The following KMT2C variants were observed in gnomAD, a reference collection of about 807,000 sequenced individuals.
KMT2C encodes histone-lysine N-methyltransferase 2C.
KMT2C carries 88 observed loss-of-function variants against 507.9 expected under a neutral mutation model. The observed-to-expected ratio is 0.17, with a 90% CI of 0.15 to 0.21. The LOEUF is 0.21. Among genes scored for constraint, KMT2C ranks in the 10% least tolerant of loss-of-function variants. The pLI is 1.00. For synonymous variants in KMT2C, 2,049 were observed against 2,080.8 expected, an observed-to-expected ratio of 0.98 and a Z score of 0.42; for missense variants, 4,954 against 5,957.8, an observed-to-expected ratio of 0.83 and a Z score of 5.55.
At position 152,181,622 on chromosome 7, in the gene KMT2C, T is replaced by C. The variant is rs762977185; in HGVS notation, c.6238A>G (p.Arg2080Gly). The C allele has an allele frequency of 1.4e-5, 22 of 1,614,128 alleles. No individual in the cohort carries two copies. Among genetic ancestry groups the C allele is most frequent in the Non-Finnish European group, 1.9e-5 (22 of 1,180,006 alleles). ...TTATGAGAAAAATTATCTATAGGTC[T>C]TGGTGTCAAAGCAGGCCTTTCATAA... ...DPYERPALTPRPIDNFSHNQS... is the reference protein window; with the variant it reads ...DPYERPALTPGPIDNFSHNQS... The change falls in exon 36 of 59, where the codon AGA becomes GGA. Residue 2080 changes from arginine to glycine, a missense_variant. Physicochemically the swap from Arg to Gly is moderately radical, Grantham distance 125 (BLOSUM62 -2). This residue lies in a region of KMT2C where 1,689 missense variants were observed against 1,654.3 expected (regional missense o/e 1.02). Transcript: ENST00000262189.
chr7:152,225,967 C>T (rs2094917375), intron 18 of KMT2C, among the ~76,000 whole-genome samples: 1 of 152,068 alleles, frequency 6.6e-6, no homozygotes, highest in Admixed American at 6.6e-5. Context: ...TAACCAACAC[C>T]TTATTAATTG....
intron 6 of KMT2C, among the ~76,000 whole-genome samples, chr7:152,275,012 T>C (rs556756707): frequency 3.9e-5 from 6 of 152,208 alleles, no homozygotes; most frequent in Non-Finnish European, 5.9e-5. Context: ...ACACAGACAG[T>C]TGGACCCTGC....
chr7:152,233,006 G>A (rs1468689163), intron 16 of KMT2C, among the ~76,000 whole-genome samples: 16 of 152,064 alleles, frequency 1.1e-4, no homozygotes, highest in African/African-American at 2.7e-4. Context: ...ACCAGTGAAC[G>A]CTTTCACTGA....
At chr7:152,183,243 A>C in intron 34 of KMT2C, 87 bp from the exon 35 acceptor site, 1 of 1,093,406 alleles carries the variant, frequency 9.1e-7, no homozygotes, top group African/African-American at 1.6e-5. Context: ...TTTCTCAAAT[A>C]AAAGAAAAAA....
intron 6 of KMT2C, among the ~76,000 whole-genome samples, chr7:152,282,791 A>G (rs990868310): frequency 6.6e-6 from 1 of 151,944 alleles, no homozygotes; most frequent in Non-Finnish European, 1.5e-5. Flanking sequence ...ATTCCTAGAA[A>G]TGTGTACCTA....
chr7:152,137,120 G>A (rs1234023331), intron 58 of KMT2C, 196 bp from the exon 59 acceptor site: 1 of 539,384 alleles, frequency 1.9e-6, no homozygotes, highest in African/African-American at 1.9e-5. Flanking sequence ...AAATGAGGGA[G>A]GCAGTATTTT....
rs570079912 is a variant in KMT2C, at chr7:152,391,039, G to T, written c.162-32364C>A. Among the ~76,000 whole-genome samples, 3 of 149,452 alleles carry T rather than the reference G, an allele frequency of 2.0e-5. No individual in the cohort carries two copies. In the East Asian group the frequency reaches 6.2e-4, roughly 31 times the overall value. On this transcript the variant is annotated intron_variant, in intron 1 of 58. Coordinates refer to ENST00000262189, the MANE Select transcript of KMT2C (RefSeq NM_170606.3). ...AGGCGCCTGTAATCCCAGCTACTTG[G>T]GAGGCTGAGGCAGAGAACTGCTTGA...
In KMT2C at chr7:152,138,314, G is replaced by C. The variant is rs1191685673; in HGVS notation, c.14643+482C>G. 6.5e-6 allele frequency: 1 copy of C among 154,908 alleles called. No homozygotes were observed. The highest frequency in any genetic ancestry group is 1.4e-5 in the Non-Finnish European group (1 of 69,750). 9.6% of individuals were successfully genotyped at this position (154,908 alleles called of 1,614,324 possible). ...GAACTGCTGAAGAATGTGGCGATGT[G>C]GGCACTTGGTTAAGCACACACTGAT... On this transcript the variant is annotated intron_variant, in intron 58 of 58. Coordinates refer to ENST00000262189, the MANE Select transcript of KMT2C (RefSeq NM_170606.3). This position sits in a 1 kb window ranked among gnomAD's most constrained non-coding sequence, Gnocchi z 4.2.
At chr7:152,147,692 A>C (rs548131328) in intron 52 of KMT2C, among the ~76,000 whole-genome samples, 34 of 148,188 alleles carry the variant, frequency 2.3e-4, no homozygotes, top group African/African-American at 8.6e-4. Context: ...GTGCAACAAA[A>C]GAGAAACTCC....
intron 49 of KMT2C, among the ~76,000 whole-genome samples, chr7:152,152,033 TA>T (rs1313111307): frequency 6.6e-6 from 1 of 151,964 alleles, no homozygotes; most frequent in Non-Finnish European, 1.5e-5. Flanking sequence ...GATAAGAAGG[TA>T]AATAAGGACT....
chr7:152,358,616 G>A lies in KMT2C; in HGVS notation c.221C>T (p.Thr74Ile), dbSNP rs771871602. The change falls in exon 2 of 59, where the codon ACA becomes ATA. Residue 74 changes from threonine (T) to isoleucine (I), a missense_variant. Thr to Ile is a moderately conservative substitution (Grantham distance 89). Coordinates refer to ENST00000262189, the MANE Select transcript of KMT2C (RefSeq NM_170606.3). ...EDEDSMDGLE[T>I]TETETIVETE... ...TTCCACAATCGTTTCTGTTTCTGTT[G>A]TCTCCAGCCCATCCATGCTGTCCTC... is the stretch of plus-strand genomic sequence containing the variant. The A allele has an allele frequency of 6.8e-6, 11 of 1,610,098 alleles. No homozygotes were observed. Among genetic ancestry groups the A allele is most frequent in the Non-Finnish European group, 9.3e-6 (11 of 1,177,982 alleles).
rs1278012756 is a variant in KMT2C, at chr7:152,388,892, G to C, written c.162-30217C>G. 2.6e-5 allele frequency among the ~76,000 whole-genome samples: 4 copies of C among 152,298 alleles called. No individual in the cohort carries two copies. The East Asian group carries it at 7.8e-4, about 30-fold the overall frequency. ...GCCTCCCAAGTAGCTGGGATTACAG[G>C]CATGCACCACCATGCACAGCTAATT... is the stretch of plus-strand genomic sequence containing the variant. On this transcript the variant is annotated intron_variant, in intron 1 of 58. Transcript: ENST00000262189.
rs942553232 is a variant in KMT2C at position 152,224,269 on chromosome 7, G to C, written c.3159-90C>G. 3.7e-6 allele frequency: 5 copies of C among 1,358,374 alleles called. No homozygotes were observed. The African/African-American group carries it at 4.3e-5, about 12-fold the overall frequency. 84.1% of individuals were successfully genotyped at this position (1,358,374 alleles called of 1,614,324 possible). ...CAGGAAGCTACATACGAACATAATGGGGGAAATGATTTAATGTGTATGTGA... is the reference window on the plus strand; with the variant it reads ...CAGGAAGCTACATACGAACATAATGCGGGAAATGATTTAATGTGTATGTGA... On this transcript the variant is annotated intron_variant, in intron 19 of 58. Coordinates refer to ENST00000262189, the MANE Select transcript of KMT2C (RefSeq NM_170606.3).
Position 152,208,892 on chromosome 7 carries a change from A to G in KMT2C, c.3713-1464T>C, listed in dbSNP as rs150190865. On this transcript the variant is annotated intron_variant, in intron 23 of 58. Transcript: ENST00000262189. The stretch of plus-strand genomic sequence containing the variant: ...GAAAAGAAAAGTTTATAGGCCAGGC[A>G]CGGTGGCTCATGCCCATAATCCCAG... Among the ~76,000 whole-genome samples the G allele has an allele frequency of 5.6e-3, 858 of 152,326 alleles. 8 individuals carry two copies. The highest frequency in any genetic ancestry group is 0.02 in the African/African-American group (816 of 41,566).
rs1337882086 is a variant in KMT2C, at chr7:152,328,614, A to G, written c.389+1987T>C. 3.9e-5 allele frequency among the ~76,000 whole-genome samples: 6 copies of G among 152,316 alleles called. 1 individual carries two copies. The South Asian group carries it at 1.2e-3, about 32-fold the overall frequency. On this transcript the variant is annotated intron_variant, in intron 3 of 58. Coordinates refer to ENST00000262189, the MANE Select transcript of KMT2C (RefSeq NM_170606.3). Reference sequence around the variant, plus strand: ...GAGAGTGGAGAGTGGGGACCTGATTATCATTATTAGAATAATTTTTGCAAC... The same window carrying G: ...GAGAGTGGAGAGTGGGGACCTGATTGTCATTATTAGAATAATTTTTGCAAC...
intron 2 of KMT2C, 28 bp from the exon 3 acceptor site, chr7:152,330,767 A>G (rs371927187): frequency 6.2e-7 from 1 of 1,607,380 alleles, no homozygotes; most frequent in African/African-American, 1.3e-5. Context: ...AGAGAAAACA[A>G]AGAGTCATTT....
At chr7:152,200,607 G>C (rs1041334235) in intron 26 of KMT2C, among the ~76,000 whole-genome samples, 1 of 152,076 alleles carries the variant, frequency 6.6e-6, no homozygotes, top group Non-Finnish European at 1.5e-5. Context: ...CAACATGCCT[G>C]TAATCCCAGC....
At chr7:152,250,372 T>C (rs2095544539) in intron 12 of KMT2C, among the ~76,000 whole-genome samples, 1 of 152,136 alleles carries the variant, frequency 6.6e-6, no homozygotes, top group Non-Finnish European at 1.5e-5. Context: ...AACAAGTAGT[T>C]TTCCCCCAAC....
At chr7:152,334,732 T>C (rs576409748) in intron 2 of KMT2C, among the ~76,000 whole-genome samples, 1 of 152,256 alleles carries the variant, frequency 6.6e-6, no homozygotes, top group Admixed American at 6.5e-5. Flanking sequence ...ATGCTGCCAA[T>C]GAGGCGCAAT....
Sources: allele counts gnomAD v4.1 joint callset (sites outside exome capture counted in the v4.1 genomes callset), GRCh38; gene constraint gnomAD v4.1.1; regional missense constraint gnomAD v4.1.1; non-coding constraint Gnocchi (gnomAD v3.1); transcripts MANE v1.5; gene names NCBI Gene and HGNC (gene_info 2026-07-23, HGNC 2026-07-21).